Variants in AKAP13 observed in about 807,000 individuals in gnomAD.
AKAP13 encodes the protein A-kinase anchoring protein 13.
Under a neutral mutation model 264.5 loss-of-function variants are expected in AKAP13, and 80 were observed. The ratio of observed to expected loss-of-function variants is 0.30; its 90% confidence interval spans 0.25 to 0.36. The LOEUF is 0.36. Ranked by LOEUF, AKAP13 falls within the 10% of genes least tolerant of loss-of-function variation. The pLI, the probability that AKAP13 is intolerant of heterozygous loss-of-function variation, is 1.00. For missense variants in AKAP13, 3,712 were observed against 3,435.2 expected (o/e 1.08, Z -2.01); for synonymous variants, 1,380 against 1,250.2 (o/e 1.10, Z -2.19).
chr15:85,473,709 G>GT (rs1334325502), intron 1 of AKAP13, among the ~76,000 whole-genome samples: 1 of 152,198 alleles, frequency 6.6e-6, no homozygotes, highest in Non-Finnish European at 1.5e-5. Flanking sequence ...TTTGGTCATA[G>GT]TAAGAGGGTC....
intron 5 of AKAP13, among the ~76,000 whole-genome samples, chr15:85,545,471 C>CT (rs1048086858): frequency 9.9e-5 from 15 of 151,976 alleles, no homozygotes; most frequent in African/African-American, 2.9e-4. Context: ...TGTTCTTTGA[C>CT]TTTTTTTTGC....
intron 12 of AKAP13, among the ~76,000 whole-genome samples, chr15:85,663,059 C>G (rs2083432462): frequency 6.6e-6 from 1 of 152,148 alleles, no homozygotes; most frequent in Admixed American, 6.5e-5. Flanking sequence ...CCTGTAATCC[C>G]AGTACTTTGG....
chr15:85,471,650 C>G (rs2074965641), intron 1 of AKAP13, among the ~76,000 whole-genome samples: 1 of 152,200 alleles, frequency 6.6e-6, no homozygotes, highest in African/African-American at 2.4e-5. Context: ...TCCTATCACT[C>G]CCAGGTTTCT....
chr15:85,742,640 T>C (rs1326677081), intron 35 of AKAP13, among the ~76,000 whole-genome samples: 1 of 152,216 alleles, frequency 6.6e-6, no homozygotes, highest in East Asian at 1.9e-4. Flanking sequence ...TTGGAAGGCT[T>C]TTGGTTATTC....
intron 1 of AKAP13, among the ~76,000 whole-genome samples, chr15:85,443,297 A>G (rs1475563930): frequency 6.6e-6 from 1 of 152,126 alleles, no homozygotes; most frequent in Non-Finnish European, 1.5e-5. Context: ...TTTGGTGTTT[A>G]TTAGCTGAAT....
At chr15:85,602,734 C>T (rs374659253) in intron 8 of AKAP13, among the ~76,000 whole-genome samples, 2 of 152,092 alleles carry the variant, frequency 1.3e-5, no homozygotes, top group East Asian at 1.9e-4. Flanking sequence ...GTGATCCGCC[C>T]GCCTCAGCTT....
intron 1 of AKAP13, among the ~76,000 whole-genome samples, chr15:85,402,781 A>G (rs1018890900): frequency 6.6e-6 from 1 of 152,136 alleles, no homozygotes; most frequent in African/African-American, 2.4e-5. Context: ...GTTGAGGCTT[A>G]CTAAGATTGT....
chr15:85,684,697 T>C, intron 15 of AKAP13, 44 bp from the exon 16 acceptor site: 1 of 1,577,004 alleles, frequency 6.3e-7, no homozygotes. Context: ...TTATTTAACT[T>C]CTGTAGCCCT....
chr15:85,708,029 T>G lies in AKAP13; in HGVS notation c.5475T>G (p.Ala1825=). The change falls in exon 18 of 37, where the codon GCT becomes GCG. Residue 1825 remains alanine, a synonymous_variant. Coordinates refer to ENST00000394518, the MANE Select transcript of AKAP13 (RefSeq NM_007200.5). The surrounding 1 kb of genome is among the most constrained non-coding windows in gnomAD (Gnocchi z 4.3). The part of the protein sequence containing the change: ...KDAYTCANCS[A]FVHKGCRESL... The stretch of plus-strand genomic sequence containing the variant: ...TTGCTTTCTTTTCAGATTGCAGTGC[T>G]TTTGTCCACAAAGGCTGCCGAGAAA... 1 of 1,613,822 alleles carries G rather than the reference T, an allele frequency of 6.2e-7. No individual in the cohort carries two copies. Among genetic ancestry groups the G allele is most frequent in the Non-Finnish European group, 8.5e-7 (1 of 1,179,776 alleles).
intron 2 of AKAP13, among the ~76,000 whole-genome samples, chr15:85,518,385 A>C (rs1359677911): frequency 6.6e-6 from 1 of 152,346 alleles, no homozygotes; most frequent in East Asian, 1.9e-4. Flanking sequence ...TACTCCTTCA[A>C]GGAAAACAGG....
intron 5 of AKAP13, among the ~76,000 whole-genome samples, chr15:85,559,331 A>T (rs2078272399): frequency 1.3e-5 from 2 of 152,098 alleles, no homozygotes; most frequent in Non-Finnish European, 2.9e-5. Flanking sequence ...TTTAAATAGA[A>T]ATCTCTATTT....
chr15:85,492,329 C>G (rs566030532), intron 2 of AKAP13, among the ~76,000 whole-genome samples: 1 of 152,316 alleles, frequency 6.6e-6, no homozygotes, highest in East Asian at 1.9e-4. Context: ...CTGCAGTGAG[C>G]TATGAACATA....
chr15:85,556,690 TG>T (rs1399901782), intron 5 of AKAP13, among the ~76,000 whole-genome samples: 3 of 152,202 alleles, frequency 2.0e-5, no homozygotes, highest in Non-Finnish European at 4.4e-5. Flanking sequence ...CTACACTGGC[TG>T]TAACCTCCCT....
chr15:85,724,278 C>A lies in AKAP13; in HGVS notation c.6745+958C>A, dbSNP rs1332128294. 6.6e-6 allele frequency among the ~76,000 whole-genome samples: 1 copy of A among 152,186 alleles called. No individual in the cohort carries two copies. The highest frequency in any genetic ancestry group is 1.5e-5 in the Non-Finnish European group (1 of 68,034). On this transcript the variant is annotated intron_variant, in intron 26 of 36. Transcript: ENST00000394518. This position sits in a 1 kb window ranked among gnomAD's most constrained non-coding sequence, Gnocchi z 4.2. ...CAGCTGGTTTCAACAATGAATAAAG[C>A]AGGACACCCTGCTTAGAAGTTGAAA...
chr15:85,562,574 AATATATATATATAT>A (rs1224541443), intron 5 of AKAP13, among the ~76,000 whole-genome samples: 1 of 77,670 alleles, frequency 1.3e-5, no homozygotes, highest in Non-Finnish European at 3.0e-5. Context: ...CAAAAAAAAA[AATATATATATATAT>A]ATATATATAT....
In AKAP13 at chr15:85,744,872, T is replaced by A. The variant is rs2089321781; in HGVS notation, c.*195T>A. On this transcript the variant is annotated 3_prime_UTR_variant, in exon 37 of 37. Coordinates refer to ENST00000394518, the MANE Select transcript of AKAP13 (RefSeq NM_007200.5). ...CGGGTGGGGAAGGAGGCCCAGACTC[T>A]GCTTCGGCCATGATTTGTGACTGCC... 1 of 522,136 alleles carries A rather than the reference T, an allele frequency of 1.9e-6. No homozygotes were observed. The highest frequency in any genetic ancestry group is 3.3e-6 in the Non-Finnish European group (1 of 300,364). The allele number at this position is 522,136 out of a possible 1,614,324, so 32.3% of individuals were successfully genotyped here. A position where few individuals can be genotyped will look rare whatever the true frequency, so the allele number is the denominator to read the frequency against.
At chr15:85,530,194 T>A (rs919119530) in intron 3 of AKAP13, among the ~76,000 whole-genome samples, 1 of 152,242 alleles carries the variant, frequency 6.6e-6, no homozygotes, top group South Asian at 2.1e-4. Context: ...CCATCCCGCG[T>A]TGTTCTGTTT....
Position 85,533,854 on chromosome 15 carries a change from T to C in AKAP13, c.452T>C (p.Val151Ala). ...CTGAAGCTGCCCACGGAGTGGAATGTATTGGGGACAGATCAGAGTTTGCAT... is the reference window on the plus strand; with the variant it reads ...CTGAAGCTGCCCACGGAGTGGAATGCATTGGGGACAGATCAGAGTTTGCAT... ...RHLKLPTEWN[V>A]LGTDQSLHDA... The change falls in exon 4 of 37, where the codon GTA (valine) becomes GCA (alanine). Residue 151 changes from valine to alanine, a missense_variant. Physicochemically the swap from Val to Ala is moderately conservative, Grantham distance 64. This residue lies in a region of AKAP13 where 2,759 missense variants were observed against 2,411.7 expected (regional missense o/e 1.14). Coordinates refer to ENST00000394518, the MANE Select transcript of AKAP13 (RefSeq NM_007200.5). The C allele has an allele frequency of 6.2e-7, 1 of 1,606,440 alleles. No individual in the cohort carries two copies. Among genetic ancestry groups the C allele is most frequent in the Non-Finnish European group, 8.5e-7 (1 of 1,175,968 alleles).
intron 35 of AKAP13, among the ~76,000 whole-genome samples, chr15:85,742,312 A>T (rs922022580): frequency 3.0e-4 from 45 of 152,244 alleles, no homozygotes; most frequent in African/African-American, 9.9e-4. Context: ...CATGGCCCCA[A>T]CCTGAAGGAA....
Sources: gnomAD v4.1 joint callset for allele counts (sites outside exome capture counted in the v4.1 genomes callset) on GRCh38, gnomAD v4.1.1 for gene constraint, gnomAD v4.1.1 regional missense constraint, Gnocchi (gnomAD v3.1) non-coding constraint, MANE v1.5 for transcripts, NCBI Gene and HGNC (gene_info 2026-07-23, HGNC 2026-07-21) for gene names.